Variants in TIMP3 observed in about 807,000 individuals in gnomAD.
TIMP3 encodes the protein TIMP metallopeptidase inhibitor 3, also known as metalloproteinase inhibitor 3.
Under a neutral mutation model 30.0 loss-of-function variants are expected in TIMP3, and 11 were observed. The observed-to-expected ratio is 0.37, with a 90% CI of 0.23 to 0.61. TIMP3 has a LOEUF of 0.61. Among genes scored for constraint, TIMP3 ranks in the 20% least tolerant of loss-of-function variants. The pLI, the probability that TIMP3 is intolerant of heterozygous loss-of-function variation, is 0.70. For missense variants in TIMP3, 181 were observed against 276.8 expected (o/e 0.65, Z 2.45); for synonymous variants, 112 against 111.3 (o/e 1.01, Z -0.04).
chr22:32,814,135 TGTGTGTGA>T (rs1228844718), intron 1 of TIMP3, among the ~76,000 whole-genome samples: 56 of 72,100 alleles, frequency 7.8e-4, no homozygotes, highest in African/African-American at 2.6e-3. Context: ...TGTGTGTGTG[TGTGTGTGA>T]GAGAGAGAGA....
chr22:32,802,784 G>A (rs1030415447), intron 1 of TIMP3, among the ~76,000 whole-genome samples: 4 of 152,202 alleles, frequency 2.6e-5, no homozygotes, highest in South Asian at 2.1e-4. Context: ...CAGAAGGTGC[G>A]AGGGGTCACT....
chr22:32,834,419 T>TC (rs1235603735), intron 1 of TIMP3, among the ~76,000 whole-genome samples: 1 of 152,134 alleles, frequency 6.6e-6, no homozygotes, highest in Non-Finnish European at 1.5e-5. Context: ...TGCCTTGGCC[T>TC]CCCAAAGTGC....
At chr22:32,848,328 G>A (rs1461933969) in intron 1 of TIMP3, among the ~76,000 whole-genome samples, 1 of 152,126 alleles carries the variant, frequency 6.6e-6, no homozygotes. Flanking sequence ...AAGATCTTTC[G>A]TTCAATCCTG....
At chr22:32,845,959 G>T (rs1220450408) in intron 1 of TIMP3, among the ~76,000 whole-genome samples, 1 of 152,218 alleles carries the variant, frequency 6.6e-6, no homozygotes, top group Non-Finnish European at 1.5e-5. Flanking sequence ...AGCAAATACG[G>T]ACAGATTAAT....
At chr22:32,814,172 G>A (rs373306133) in intron 1 of TIMP3, among the ~76,000 whole-genome samples, 2 of 44,698 alleles carry the variant, frequency 4.5e-5, no homozygotes, top group East Asian at 5.5e-4. Context: ...GAGAGAAAGA[G>A]AAAGAAAGAA....
chr22:32,826,910 T>C (rs559682214), intron 1 of TIMP3, among the ~76,000 whole-genome samples: 23 of 152,268 alleles, frequency 1.5e-4, no homozygotes, highest in Middle Eastern at 3.4e-3. Context: ...CTTATTCCAC[T>C]TGAGGGAACC....
intron 1 of TIMP3, among the ~76,000 whole-genome samples, chr22:32,823,837 C>G (rs977275578): frequency 6.6e-6 from 1 of 152,114 alleles, no homozygotes; most frequent in African/African-American, 2.4e-5. Context: ...AGCCCCATGT[C>G]CACTCCTATA....
chr22:32,831,171 G>C (rs2047563985), intron 1 of TIMP3, among the ~76,000 whole-genome samples: 1 of 152,154 alleles, frequency 6.6e-6, no homozygotes, highest in African/African-American at 2.4e-5. Flanking sequence ...TCCTTCAGGA[G>C]GGTGTGGGAG....
chr22:32,814,141 TGAGA>T (rs1205873097), intron 1 of TIMP3, among the ~76,000 whole-genome samples: 1 of 98,500 alleles, frequency 1.0e-5, no homozygotes, highest in Non-Finnish European at 1.9e-5. Flanking sequence ...TGTGTGTGTG[TGAGA>T]GAGAGAGAGA....
chr22:32,820,235 T>A (rs1386872698), intron 1 of TIMP3, among the ~76,000 whole-genome samples: 2 of 146,276 alleles, frequency 1.4e-5, no homozygotes, highest in Non-Finnish European at 3.0e-5. Context: ...CATTCCTCCT[T>A]TCTCCCCTGT....
At chr22:32,803,346 G>A (rs987284007) in intron 1 of TIMP3, among the ~76,000 whole-genome samples, 4 of 152,064 alleles carry the variant, frequency 2.6e-5, no homozygotes, top group African/African-American at 9.7e-5. Context: ...GAGGAGGTAG[G>A]AGCTTGGCAG....
intron 1 of TIMP3, among the ~76,000 whole-genome samples, chr22:32,833,176 G>C (rs2047628973): frequency 6.6e-6 from 1 of 152,076 alleles, no homozygotes; most frequent in Admixed American, 6.6e-5. Flanking sequence ...GTGGCTCCTG[G>C]GAAATTTGCA....
At chr22:32,848,100 C>G (rs761466044) in intron 1 of TIMP3, among the ~76,000 whole-genome samples, 8 of 152,220 alleles carry the variant, frequency 5.3e-5, no homozygotes, top group Admixed American at 1.3e-4. Context: ...TACCTGAAGA[C>G]AGCTCTTGGG....
At chr22:32,845,863 G>A (rs1211008453) in intron 1 of TIMP3, among the ~76,000 whole-genome samples, 1 of 152,212 alleles carries the variant, frequency 6.6e-6, no homozygotes, top group Non-Finnish European at 1.5e-5. Flanking sequence ...TGTGGCCCCT[G>A]GGCCAGCGAA....
At chr22:32,834,157 CT>C (rs1003501093) in intron 1 of TIMP3, among the ~76,000 whole-genome samples, 155 of 144,090 alleles carry the variant, frequency 1.1e-3, no homozygotes, top group South Asian at 1.3e-3. Flanking sequence ...CTGAGCCCAG[CT>C]TTTTTTTTTT....
At chr22:32,812,692 T>C (rs900233348) in intron 1 of TIMP3, among the ~76,000 whole-genome samples, 2 of 152,208 alleles carry the variant, frequency 1.3e-5, no homozygotes, top group African/African-American at 4.8e-5. Flanking sequence ...AGGACTTCTC[T>C]CATGGAAGTC....
intron 1 of TIMP3, among the ~76,000 whole-genome samples, chr22:32,834,520 C>T (rs1034821078): frequency 6.6e-6 from 1 of 152,158 alleles, no homozygotes; most frequent in Non-Finnish European, 1.5e-5. Context: ...GTGTCACATG[C>T]AGCCACTGGT....
chr22:32,834,361 C>T (rs1422555119), intron 1 of TIMP3, among the ~76,000 whole-genome samples: 1 of 151,952 alleles, frequency 6.6e-6, no homozygotes, highest in Non-Finnish European at 1.5e-5. Flanking sequence ...CGGGGTTCCA[C>T]CGTGTTGGCC....
rs186808200 is a variant in TIMP3, at chr22:32,817,307, A to C, written c.121+15185A>C. On this transcript the variant is annotated intron_variant, in intron 1 of 4. Transcript: ENST00000266085. ...CTATTAGCATAGTAAAAGCTCTGAG[A>C]AGTCCTGCTGCATGGTGACCTGTTT... Among the ~76,000 whole-genome samples the C allele has an allele frequency of 5.3e-5, 8 of 152,144 alleles. 1 individual carries two copies. Among genetic ancestry groups the C allele is most frequent in the Admixed American group, 2.0e-4 (3 of 15,282 alleles).
Sources: gnomAD v4.1 joint callset for allele counts (sites outside exome capture counted in the v4.1 genomes callset) on GRCh38, gnomAD v4.1.1 for gene constraint, MANE v1.5 for transcripts, NCBI Gene and HGNC (gene_info 2026-07-23, HGNC 2026-07-21) for gene names.